Variants in PLXNA2 observed in about 807,000 individuals in gnomAD.
The protein encoded by PLXNA2 is plexin A2, also known as plexin-A2.
PLXNA2 carries 91 observed loss-of-function variants against 193.5 expected under a neutral mutation model. The ratio of observed to expected loss-of-function variants is 0.47; its 90% CI spans 0.40 to 0.56. The LOEUF is 0.56. Among genes scored for constraint, PLXNA2 ranks in the 20% least tolerant of loss-of-function variants. The pLI is 0.00. For missense variants in PLXNA2, 1,995 were observed against 2,503.2 expected (o/e 0.80, Z 4.33); for synonymous variants, 997 against 1,027.3 (o/e 0.97, Z 0.56).
chr1:208,160,719 C>G (rs1424429580), intron 3 of PLXNA2, among the ~76,000 whole-genome samples: 1 of 152,238 alleles, frequency 6.6e-6, no homozygotes, highest in Non-Finnish European at 1.5e-5. Context: ...CATTCATGCT[C>G]TGGGGCACAG....
intron 4 of PLXNA2, among the ~76,000 whole-genome samples, chr1:208,125,946 G>T (rs1056354779): frequency 6.6e-6 from 1 of 152,236 alleles, no homozygotes; most frequent in South Asian, 2.1e-4. Context: ...ATGGTTTTGA[G>T]CTCTGTTGCG....
intron 8 of PLXNA2, among the ~76,000 whole-genome samples, chr1:208,094,084 A>G (rs1666798886): frequency 6.6e-6 from 1 of 152,136 alleles, no homozygotes; most frequent in South Asian, 2.1e-4. Context: ...CCCATTCTCC[A>G]TTGCCCAGAC....
In PLXNA2 at chr1:208,216,813, G is replaced by C. The variant is rs201059045; in HGVS notation, c.1110C>G (p.Arg370=). 220 of 1,614,192 alleles carry C rather than the reference G, an allele frequency of 1.4e-4. 4 individuals carry two copies. The South Asian group carries it at 2.3e-3, about 17-fold the overall frequency. The stretch of plus-strand genomic sequence containing the variant: ...CCTCGCCCTGGTAGCAGGACTGCAG[G>C]CGCTCCTTGATCTGCAAGTTGATGG... The part of the protein sequence containing the change: ...IRAINLQIKE[R]LQSCYQGEGN... The change falls in exon 2 of 32, where the codon CGC becomes CGG. Residue 370 remains arginine, a synonymous_variant. Transcript: ENST00000367033.
At chr1:208,224,985 G>A (rs1055001462) in intron 1 of PLXNA2, among the ~76,000 whole-genome samples, 2 of 152,082 alleles carry the variant, frequency 1.3e-5, no homozygotes, top group East Asian at 3.9e-4. Context: ...TCAAAATCTC[G>A]ATCAGTAATA....
At chr1:208,196,573 GT>G (rs906447459) in intron 3 of PLXNA2, among the ~76,000 whole-genome samples, 1 of 152,220 alleles carries the variant, frequency 6.6e-6, no homozygotes, top group Non-Finnish European at 1.5e-5. Context: ...CTGAACACCT[GT>G]GAGTTTGTGG....
intron 3 of PLXNA2, among the ~76,000 whole-genome samples, chr1:208,188,530 G>A (rs570884696): frequency 2.0e-4 from 31 of 152,124 alleles, no homozygotes; most frequent in African/African-American, 6.3e-4. Context: ...CCAACATGTC[G>A]AAATCCCATC....
At chr1:208,143,057 A>G (rs1668502490) in intron 3 of PLXNA2, among the ~76,000 whole-genome samples, 1 of 152,202 alleles carries the variant, frequency 6.6e-6, no homozygotes, top group Non-Finnish European at 1.5e-5. Flanking sequence ...CTCCAAGCCC[A>G]TCCTAGGAAA....
At chr1:208,184,986 C>T (rs1379173009) in intron 3 of PLXNA2, among the ~76,000 whole-genome samples, 4 of 152,174 alleles carry the variant, frequency 2.6e-5, no homozygotes, top group Non-Finnish European at 5.9e-5. Flanking sequence ...AATTTGGGGC[C>T]ATTCTTCCCT....
intron 3 of PLXNA2, among the ~76,000 whole-genome samples, chr1:208,170,937 G>A (rs1266091335): frequency 6.6e-6 from 1 of 152,220 alleles, no homozygotes; most frequent in East Asian, 1.9e-4. Context: ...AAGAAGTAAT[G>A]CCAGTGAGCA....
intron 12 of PLXNA2, among the ~76,000 whole-genome samples, chr1:208,062,170 C>G (rs1168622315): frequency 6.6e-6 from 1 of 152,162 alleles, no homozygotes; most frequent in Non-Finnish European, 1.5e-5. Context: ...TTGGACACTT[C>G]TGGACAGTCT....
At position 208,028,026 on chromosome 1, in the gene PLXNA2, T is replaced by C. The variant is rs1664391005; in HGVS notation, c.5572A>G (p.Ser1858Gly). 6.2e-7 allele frequency: 1 copy of C among 1,605,142 alleles called. No homozygotes were observed. The highest frequency in any genetic ancestry group is 8.5e-7 in the Non-Finnish European group (1 of 1,175,622). Residue 1858 changes from serine (S) to glycine (G), a missense_variant, in exon 31 of 32, where the codon AGC (serine) becomes GGC (glycine). Coordinates refer to ENST00000367033, the MANE Select transcript of PLXNA2 (RefSeq NM_025179.4). This position sits in a 1 kb window ranked among gnomAD's most constrained non-coding sequence, Gnocchi z 4.2. The stretch of plus-strand genomic sequence containing the variant: ...TGTCTCACCTCCTCACTATACTTGC[T>C]GACATAGGAGTAGATCTCATTGAGG... ...SALNEIYSYVSKYSEELIGAL... is the reference protein window; with the variant it reads ...SALNEIYSYVGKYSEELIGAL...
intron 3 of PLXNA2, among the ~76,000 whole-genome samples, chr1:208,170,115 A>T (rs1230204906): frequency 1.3e-5 from 2 of 152,146 alleles, no homozygotes; most frequent in African/African-American, 4.8e-5. Flanking sequence ...ATAGATGCTG[A>T]TAGGTATATT....
chr1:208,049,113 A>G (rs1665169028), intron 17 of PLXNA2, among the ~76,000 whole-genome samples: 1 of 151,970 alleles, frequency 6.6e-6, no homozygotes, highest in African/African-American at 2.4e-5. Flanking sequence ...GAAACCACAT[A>G]AAGACTCTTG....
chr1:208,168,934 A>C (rs1172403840), intron 3 of PLXNA2, among the ~76,000 whole-genome samples: 1 of 151,960 alleles, frequency 6.6e-6, no homozygotes, highest in Non-Finnish European at 1.5e-5. Flanking sequence ...AGGCTTCTCC[A>C]GGATCACGGA....
intron 4 of PLXNA2, among the ~76,000 whole-genome samples, chr1:208,108,658 T>A (rs7538533): frequency 0.58 from 88,326 of 152,074 alleles, 25,772 homozygotes; most frequent in East Asian, 0.69. Context: ...CATTTAGTCC[T>A]TAAACATCTA....
intron 4 of PLXNA2, among the ~76,000 whole-genome samples, chr1:208,108,788 G>A (rs1380421282): frequency 6.6e-6 from 1 of 152,224 alleles, no homozygotes; most frequent in Non-Finnish European, 1.5e-5. Context: ...CAATATGGTA[G>A]GACAGATGCC....
Position 208,138,958 on chromosome 1 carries a change from C to T in PLXNA2, c.1506+3371G>A, listed in dbSNP as rs374051855. Among the ~76,000 whole-genome samples the T allele has an allele frequency of 5.6e-4, 85 of 152,248 alleles. 1 individual carries two copies. Among genetic ancestry groups the T allele is most frequent in the Middle Eastern group, 6.8e-3 (2 of 294 alleles). ...AGAAGAATCGCTTTAACCCAGGAGG[C>T]GGAGGTTGCAGTGAGCCAAGGTCAT... On this transcript the variant is annotated intron_variant, in intron 4 of 31. Coordinates refer to ENST00000367033, the MANE Select transcript of PLXNA2 (RefSeq NM_025179.4).
At chr1:208,219,173 G>C (rs1671240161) in intron 1 of PLXNA2, among the ~76,000 whole-genome samples, 1 of 152,208 alleles carries the variant, frequency 6.6e-6, no homozygotes, top group Non-Finnish European at 1.5e-5. Context: ...CACTTCCAGA[G>C]CCTTGGTGCT....
rs199980589 is a variant in PLXNA2 at position 208,045,031 on chromosome 1, C to A, written c.3639+36G>T. ...GACAGATCACACATGCACCACGAGG[C>A]GGGAAGGAGGCATTACAGACGCAGG... On this transcript the variant is annotated intron_variant, in intron 19 of 31. Coordinates refer to ENST00000367033, the MANE Select transcript of PLXNA2 (RefSeq NM_025179.4). 1.4e-4 allele frequency: 223 copies of A among 1,612,810 alleles called. No individual in the cohort carries two copies. The African/African-American group carries it at 2.6e-3, about 19-fold the overall frequency.
Sources: allele counts gnomAD v4.1 joint callset (sites outside exome capture counted in the v4.1 genomes callset), GRCh38; gene constraint gnomAD v4.1.1; non-coding constraint Gnocchi (gnomAD v3.1); transcripts MANE v1.5; gene names NCBI Gene and HGNC (gene_info 2026-07-23, HGNC 2026-07-21).